Variants in MAP3K5 observed in about 807,000 individuals in gnomAD.
MAP3K5 encodes mitogen-activated protein kinase kinase kinase 5, also known as ASK-1.
Under a neutral mutation model 158.7 loss-of-function variants are expected in MAP3K5, and 56 were observed. The ratio of observed to expected loss-of-function variants is 0.35; its 90% CI spans 0.28 to 0.44. The LOEUF is 0.44. Ranked by LOEUF, MAP3K5 falls within the 20% of genes least tolerant of loss-of-function variation. MAP3K5 has a pLI of 1.00. For missense variants in MAP3K5, 1,294 were observed against 1,674.8 expected (o/e 0.77, Z 3.97); for synonymous variants, 579 against 601.7 (o/e 0.96, Z 0.55).
chr6:136,579,997 T>C (rs1270002749), intron 25 of MAP3K5, among the ~76,000 whole-genome samples: 1 of 152,220 alleles, frequency 6.6e-6, no homozygotes, highest in Non-Finnish European at 1.5e-5. Flanking sequence ...GGAATGTGTT[T>C]TGTGGTCCAG....
chr6:136,677,101 T>G (rs1305271077), intron 7 of MAP3K5, among the ~76,000 whole-genome samples: 2 of 149,988 alleles, frequency 1.3e-5, no homozygotes, highest in African/African-American at 2.5e-5. Flanking sequence ...ATTTTGTTGG[T>G]TTTGTAGATG....
intron 25 of MAP3K5, among the ~76,000 whole-genome samples, chr6:136,575,004 T>C (rs539502001): frequency 6.6e-6 from 1 of 152,144 alleles, no homozygotes; most frequent in Admixed American, 6.5e-5. Flanking sequence ...ACTTTTTTTT[T>C]AACTTTTTAT....
At chr6:136,706,519 G>A (rs992548229) in intron 2 of MAP3K5, among the ~76,000 whole-genome samples, 5 of 152,134 alleles carry the variant, frequency 3.3e-5, no homozygotes, top group Non-Finnish European at 5.9e-5. Context: ...AGGGAAAAGG[G>A]AACAGCATAT....
At chr6:136,599,112 A>G (rs1775761721) in intron 21 of MAP3K5, among the ~76,000 whole-genome samples, 1 of 139,212 alleles carries the variant, frequency 7.2e-6, no homozygotes, top group Admixed American at 7.4e-5. Context: ...CAGAGGTTGC[A>G]GTGAGCTGAG....
chr6:136,608,322 G>T (rs1776188125), intron 18 of MAP3K5, among the ~76,000 whole-genome samples: 1 of 152,140 alleles, frequency 6.6e-6, no homozygotes, highest in African/African-American at 2.4e-5. Context: ...CTTGGTTTAT[G>T]TTTCAGAGGG....
chr6:136,608,304 C>A (rs182876265), intron 18 of MAP3K5, among the ~76,000 whole-genome samples: 1 of 150,500 alleles, frequency 6.6e-6, no homozygotes, highest in East Asian at 1.9e-4. Flanking sequence ...GGGCTCTGAG[C>A]AATAGGACTT....
At chr6:136,619,644 C>T (rs1252272292) in intron 15 of MAP3K5, among the ~76,000 whole-genome samples, 1 of 152,118 alleles carries the variant, frequency 6.6e-6, no homozygotes, top group Non-Finnish European at 1.5e-5. Flanking sequence ...TCTGTGACTC[C>T]TCAAAGAAGG....
intron 1 of MAP3K5, among the ~76,000 whole-genome samples, chr6:136,769,648 G>A (rs1431312209): frequency 6.7e-6 from 1 of 149,820 alleles, no homozygotes; most frequent in Non-Finnish European, 1.5e-5. Flanking sequence ...TCAATGGGCA[G>A]GCTCCATATC....
At chr6:136,792,723 G>A (rs1231396492), upstream of MAP3K5, among the ~76,000 whole-genome samples, 1 of 152,196 alleles carries the variant, frequency 6.6e-6, no homozygotes, top group East Asian at 1.9e-4. The surrounding 1 kb of genome is among the most constrained non-coding windows in gnomAD (Gnocchi z 5.7). Context: ...TCCCTCTTAG[G>A]CGGCAGCTCG....
At chr6:136,577,942 TG>T (rs1774692106) in intron 25 of MAP3K5, among the ~76,000 whole-genome samples, 2 of 152,188 alleles carry the variant, frequency 1.3e-5, no homozygotes, top group African/African-American at 2.4e-5. Context: ...AAAGGAAGTT[TG>T]TTTTTTTTTA....
At chr6:136,590,347 A>C (rs1233706974) in intron 23 of MAP3K5, among the ~76,000 whole-genome samples, 1 of 152,174 alleles carries the variant, frequency 6.6e-6, no homozygotes, top group Non-Finnish European at 1.5e-5. Flanking sequence ...TATTATACCA[A>C]GGAATGATAG....
chr6:136,617,966 G>T (rs1219424495), intron 15 of MAP3K5, among the ~76,000 whole-genome samples: 1 of 152,014 alleles, frequency 6.6e-6, no homozygotes, highest in Non-Finnish European at 1.5e-5. Context: ...ACCAGTTCAG[G>T]ATATGTAGAA....
At chr6:136,788,225 C>T (rs1784926394) in intron 1 of MAP3K5, among the ~76,000 whole-genome samples, 1 of 152,098 alleles carries the variant, frequency 6.6e-6, no homozygotes, top group Admixed American at 6.6e-5. Context: ...TGCTGGCTAG[C>T]CATATGCAGA....
chr6:136,694,936 CAGTCACA>C (rs1228132897), intron 6 of MAP3K5, among the ~76,000 whole-genome samples: 4 of 152,042 alleles, frequency 2.6e-5, no homozygotes, highest in African/African-American at 9.7e-5. Flanking sequence ...TGAAAGAGGT[CAGTCACA>C]AGGGACCACA....
chr6:136,605,019 C>T (rs1465784635), intron 19 of MAP3K5, among the ~76,000 whole-genome samples, 190 bp downstream of exon 19: 1 of 152,116 alleles, frequency 6.6e-6, no homozygotes, highest in Non-Finnish European at 1.5e-5. Context: ...AAAACTAAGG[C>T]ACAGAGAGAT....
chr6:136,707,573 C>T (rs1781134792), intron 2 of MAP3K5, among the ~76,000 whole-genome samples: 1 of 152,304 alleles, frequency 6.6e-6, no homozygotes, highest in South Asian at 2.1e-4. Flanking sequence ...GGGGGGGAAC[C>T]CCTTGAACGT....
At chr6:136,692,527 G>A (rs1185924405) in intron 7 of MAP3K5, among the ~76,000 whole-genome samples, 1 of 152,130 alleles carries the variant, frequency 6.6e-6, no homozygotes, top group Non-Finnish European at 1.5e-5. Context: ...ATCCAAGGAT[G>A]AAAACCTTTC....
intron 7 of MAP3K5, among the ~76,000 whole-genome samples, chr6:136,670,655 T>A (rs1412219689): frequency 6.6e-6 from 1 of 152,102 alleles, no homozygotes; most frequent in African/African-American, 2.4e-5. Context: ...ATACTCAAAA[T>A]TTTCCATAAT....
At chr6:136,775,993 T>A (rs1784388827) in intron 1 of MAP3K5, among the ~76,000 whole-genome samples, 1 of 152,234 alleles carries the variant, frequency 6.6e-6, no homozygotes, top group Non-Finnish European at 1.5e-5. Flanking sequence ...TTATTTAACA[T>A]GATAAAAACC....
Sources: gnomAD v4.1 joint callset for allele counts (sites outside exome capture counted in the v4.1 genomes callset) on GRCh38, gnomAD v4.1.1 for gene constraint, Gnocchi (gnomAD v3.1) non-coding constraint, MANE v1.5 for transcripts, NCBI Gene and HGNC (gene_info 2026-07-23, HGNC 2026-07-21) for gene names.